The following KIAA1958 variants were observed in gnomAD, a reference collection of about 807,000 sequenced individuals.
The protein encoded by KIAA1958 is KIAA1958, also known as uncharacterized protein KIAA1958.
In KIAA1958, 14 loss-of-function variants were observed where a neutral mutation model predicts 47.2. The observed-to-expected ratio is 0.30, with a 90% CI of 0.20 to 0.46. The LOEUF (loss-of-function observed/expected upper bound fraction) is 0.46. Ranked by LOEUF, KIAA1958 falls within the 20% of genes least tolerant of loss-of-function variation. The pLI is 1.00. For missense variants in KIAA1958, 803 were observed against 909.2 expected (o/e 0.88, Z 1.50); for synonymous variants, 354 against 353.3 (o/e 1.00, Z -0.02).
In KIAA1958 at chr9:112,669,382, A is replaced by C. The variant is rs1461286726; in HGVS notation, c.*9313A>C. 6.6e-6 allele frequency: 1 copy of C among 152,244 alleles called. No individual in the cohort carries two copies. The highest frequency in any genetic ancestry group is 1.5e-5 in the Non-Finnish European group (1 of 68,042). 9.4% of individuals were successfully genotyped at this position (152,244 alleles called of 1,614,324 possible). A position where few individuals can be genotyped will look rare whatever the true frequency, so the allele number is the denominator to read the frequency against. ...TTCAACCCAGATTTTTAAACAATAA[A>C]AAGATTTAATGTATACTTTCTGTTT... On this transcript the variant is annotated 3_prime_UTR_variant, in exon 4 of 4. Coordinates refer to ENST00000337530, the MANE Select transcript of KIAA1958 (RefSeq NM_133465.4).
intron 1 of KIAA1958, among the ~76,000 whole-genome samples, chr9:112,555,219 T>C (rs1463289425): frequency 6.6e-6 from 1 of 152,206 alleles, no homozygotes; most frequent in Non-Finnish European, 1.5e-5. Flanking sequence ...TTCCATCTCC[T>C]GGGCACAGAG....
At position 112,618,898 on chromosome 9, in the gene KIAA1958, T is replaced by A. The variant is rs1286992829; in HGVS notation, c.1172-26752T>A. ...TCATCGTCTCCGCCTCCTATGACTC[T>A]TCCTCAGACACCGCTTGACCAGGTG... is the stretch of plus-strand genomic sequence containing the variant. On this transcript the variant is annotated intron_variant, in intron 2 of 3. Coordinates refer to ENST00000337530, the MANE Select transcript of KIAA1958 (RefSeq NM_133465.4). This position sits in a 1 kb window ranked among gnomAD's most constrained non-coding sequence, Gnocchi z 7.1. 6 of 1,539,498 alleles carry A rather than the reference T, an allele frequency of 3.9e-6. No homozygotes were observed. The highest frequency in any genetic ancestry group is 5.3e-6 in the Non-Finnish European group (6 of 1,138,756).
At chr9:112,640,228 G>A (rs925434858) in intron 2 of KIAA1958, among the ~76,000 whole-genome samples, 10 of 152,202 alleles carry the variant, frequency 6.6e-5, no homozygotes, top group Admixed American at 5.9e-4. Context: ...ATGCAGTCTA[G>A]ACTGATCTAT....
rs560883971 is a variant in KIAA1958 at position 112,665,099 on chromosome 9, A to G, written c.*5030A>G. 6.6e-6 allele frequency: 1 copy of G among 152,346 alleles called. No individual in the cohort carries two copies. Among genetic ancestry groups the G allele is most frequent in the East Asian group, 1.9e-4 (1 of 5,194 alleles). The allele number at this position is 152,346 out of a possible 1,614,324, so 9.4% of individuals were successfully genotyped here. A position where few individuals can be genotyped will look rare whatever the true frequency, so the allele number is the denominator to read the frequency against. On this transcript the variant is annotated 3_prime_UTR_variant, in exon 4 of 4. Transcript: ENST00000337530. The stretch of plus-strand genomic sequence containing the variant: ...TTTCAGGAAATACATAATAAGACCA[A>G]AAAAATCACTGGATAATATGTAGAT...
In KIAA1958 at chr9:112,665,817, AAGTT is replaced by A. The variant is rs1395145423; in HGVS notation, c.*5753_*5756del. 2.0e-5 allele frequency: 3 copies of A among 152,156 alleles called. No individual in the cohort carries two copies. The highest frequency in any genetic ancestry group is 1.3e-4 in the Admixed American group (2 of 15,260). 9.4% of individuals were successfully genotyped at this position (152,156 alleles called of 1,614,324 possible). A position where few individuals can be genotyped will look rare whatever the true frequency, so the allele number is the denominator to read the frequency against. ...TGGTCATGTGAATTTATTCTAATGA[AAGTT>A]AGTTTACAAGCTGCACCTGTTTTGA... On this transcript the variant is annotated 3_prime_UTR_variant, in exon 4 of 4. Transcript: ENST00000337530.
chr9:112,527,550 A>G (rs915993453), intron 1 of KIAA1958, among the ~76,000 whole-genome samples: 13 of 152,314 alleles, frequency 8.5e-5, no homozygotes, highest in Middle Eastern at 3.4e-3. Context: ...GGATGGTTTT[A>G]AACTGGGAAT....
At chr9:112,554,334 C>G (rs1835205740) in intron 1 of KIAA1958, among the ~76,000 whole-genome samples, 1 of 151,998 alleles carries the variant, frequency 6.6e-6, no homozygotes, top group Non-Finnish European at 1.5e-5. Flanking sequence ...CCCATCTCTA[C>G]TAAAAATACA....
intron 2 of KIAA1958, among the ~76,000 whole-genome samples, chr9:112,629,471 CAG>C (rs1836673210): frequency 6.6e-6 from 1 of 152,266 alleles, no homozygotes; most frequent in African/African-American, 2.4e-5. Flanking sequence ...TGAATTGCAA[CAG>C]AGGGAAATTA....
intron 1 of KIAA1958, among the ~76,000 whole-genome samples, chr9:112,564,969 ATAAT>A (rs144802889): frequency 0.013 from 1,939 of 152,330 alleles, 37 homozygotes; most frequent in African/African-American, 0.044. Context: ...ATTATTGATA[ATAAT>A]TAGGATTCTT....
At chr9:112,580,728 A>G (rs1056836225) in intron 2 of KIAA1958, among the ~76,000 whole-genome samples, 1 of 152,020 alleles carries the variant, frequency 6.6e-6, no homozygotes, top group East Asian at 1.9e-4. Context: ...CAGAGGTTAC[A>G]GTGAGCCAAG....
Position 112,574,714 on chromosome 9 carries a change from T to C in KIAA1958, c.634T>C (p.Tyr212His). 1 of 1,614,170 alleles carries C rather than the reference T, an allele frequency of 6.2e-7. No homozygotes were observed. The highest frequency in any genetic ancestry group is 1.1e-5 in the South Asian group (1 of 91,080). The change falls in exon 2 of 4, where the codon TAC becomes CAC. Residue 212 changes from tyrosine (Y) to histidine (H), a missense_variant. By Grantham distance (83) the Tyr-to-His change is moderately conservative. Around this residue, in one of 2 missense-constraint regions of KIAA1958, gnomAD observed 761 missense variants for 829.3 expected, o/e 0.92. Coordinates refer to ENST00000337530, the MANE Select transcript of KIAA1958 (RefSeq NM_133465.4). The stretch of plus-strand genomic sequence containing the variant: ...CAAACAAGAAATCCCCGAAGATTAT[T>C]ACATTGTGGCAAATGCAGAACTGAC... ...KIKQEIPEDY[Y>H]IVANAELTGG... is the part of the protein sequence containing the mutation.
At chr9:112,487,248 C>G (rs1234708275) in intron 1 of KIAA1958, 130 bp downstream of exon 1, 2 of 167,336 alleles carry the variant, frequency 1.2e-5, no homozygotes, top group African/African-American at 2.4e-5. Flanking sequence ...CGCGCGGTGA[C>G]CCGGCTGAAC....
At chr9:112,642,022 GT>G (rs1026228182) in intron 2 of KIAA1958, among the ~76,000 whole-genome samples, 16 of 152,146 alleles carry the variant, frequency 1.1e-4, no homozygotes, top group African/African-American at 3.4e-4. Context: ...GCGTAGCTTG[GT>G]GACTGTCATG....
At chr9:112,610,813 A>G (rs1228585520) in intron 2 of KIAA1958, among the ~76,000 whole-genome samples, 1 of 152,272 alleles carries the variant, frequency 6.6e-6, no homozygotes, top group African/African-American at 2.4e-5. Context: ...AATAGACAAA[A>G]TTTGCTTATG....
At chr9:112,563,487 A>G (rs564622332) in intron 1 of KIAA1958, among the ~76,000 whole-genome samples, 27 of 152,264 alleles carry the variant, frequency 1.8e-4, no homozygotes, top group African/African-American at 5.3e-4. Context: ...TGGCACTACT[A>G]TAAGTAGAAT....
chr9:112,501,240 A>G (rs1176323697), intron 1 of KIAA1958, among the ~76,000 whole-genome samples: 2 of 151,960 alleles, frequency 1.3e-5, no homozygotes, highest in Non-Finnish European at 2.9e-5. Flanking sequence ...AGAGTTTGAG[A>G]CCAGCCTGGG....
chr9:112,633,374 T>C lies in KIAA1958; in HGVS notation c.1172-12276T>C, dbSNP rs557835802. 1.4e-3 allele frequency among the ~76,000 whole-genome samples: 218 copies of C among 152,294 alleles called. 3 individuals carry two copies. Among genetic ancestry groups the C allele is most frequent in the African/African-American group, 5.0e-3 (206 of 41,564 alleles). On this transcript the variant is annotated intron_variant, in intron 2 of 3. Coordinates refer to ENST00000337530, the MANE Select transcript of KIAA1958 (RefSeq NM_133465.4). ...AAAGATTACTTAAAGAAATTAAATA[T>C]CTTTATAATATTGAGTCTTCCCATC...
chr9:112,652,367 G>C (rs769536457), intron 3 of KIAA1958, among the ~76,000 whole-genome samples: 1 of 152,112 alleles, frequency 6.6e-6, no homozygotes, highest in Non-Finnish European at 1.5e-5. Flanking sequence ...TAGTAACCTG[G>C]GGGAATAATC....
intron 1 of KIAA1958, among the ~76,000 whole-genome samples, chr9:112,551,383 A>C (rs984646459): frequency 2.0e-5 from 3 of 152,204 alleles, no homozygotes; most frequent in African/African-American, 7.2e-5. Flanking sequence ...TGTCTTTTTA[A>C]CTAGCTTCTT....
Sources: gnomAD v4.1 joint callset for allele counts (sites outside exome capture counted in the v4.1 genomes callset) on GRCh38, gnomAD v4.1.1 for gene constraint, gnomAD v4.1.1 regional missense constraint, Gnocchi (gnomAD v3.1) non-coding constraint, MANE v1.5 for transcripts, NCBI Gene and HGNC (gene_info 2026-07-23, HGNC 2026-07-21) for gene names.